The following METTL15 variants were observed in gnomAD, a reference collection of about 807,000 sequenced individuals.
METTL15 encodes 12S rRNA N(4)-cytidine methyltransferase METTL15.
Under a neutral mutation model 38.3 loss-of-function variants are expected in METTL15, and 34 were observed. The ratio of observed to expected loss-of-function variants is 0.89; its 90% CI spans 0.68 to 1.18. METTL15 has a LOEUF of 1.18. Among genes scored for constraint, METTL15 ranks in the 50% most tolerant of loss-of-function variants. The pLI is 0.00. For synonymous variants in METTL15, 162 were observed against 170.9 expected (o/e 0.95, Z 0.41); for missense variants, 438 against 498.4 (o/e 0.88, Z 1.15).
chr11:28,156,224 G>C (rs1850258670), intron 3 of METTL15, among the ~76,000 whole-genome samples: 1 of 152,148 alleles, frequency 6.6e-6, no homozygotes. Context: ...ACATGATCCT[G>C]AAAGGTACCC....
At chr11:28,111,224 T>C (rs914932182) in intron 2 of METTL15, among the ~76,000 whole-genome samples, 1 of 152,212 alleles carries the variant, frequency 6.6e-6, no homozygotes, top group Non-Finnish European at 1.5e-5. Flanking sequence ...ACATAGAGAC[T>C]GAATGCAATA....
intron 5 of METTL15, among the ~76,000 whole-genome samples, chr11:28,409,674 A>G (rs919045490): frequency 2.6e-5 from 4 of 152,112 alleles, no homozygotes; most frequent in Non-Finnish European, 5.9e-5. Flanking sequence ...ACATTAAAAA[A>G]GAAGAAAAAT....
At chr11:28,218,707 G>A (rs1317288716) in intron 4 of METTL15, among the ~76,000 whole-genome samples, 2 of 152,046 alleles carry the variant, frequency 1.3e-5, no homozygotes, top group Non-Finnish European at 1.5e-5. Flanking sequence ...GTCATAAATA[G>A]CTCTTATTAT....
chr11:28,438,837 G>A (rs2133438611), intron 6 of METTL15, among the ~76,000 whole-genome samples: 1 of 151,858 alleles, frequency 6.6e-6, no homozygotes, highest in South Asian at 2.1e-4. Context: ...ACCATGCCCA[G>A]CTAATTTTTG....
rs550183978 is a variant in METTL15 at position 28,271,439 on chromosome 11, A to G, written c.408-18767A>G. 3.4e-4 allele frequency among the ~76,000 whole-genome samples: 52 copies of G among 152,284 alleles called. No individual in the cohort carries two copies. The Middle Eastern group carries it at 0.01, about 30-fold the overall frequency. ...TAATTTAAGATTGACATTGGTTGAT[A>G]CTAATATTCTCAACCACACAATAAA... On this transcript the variant is annotated intron_variant, in intron 4 of 6. Coordinates refer to ENST00000407364, the MANE Select transcript of METTL15 (RefSeq NM_001113528.2).
At chr11:28,304,114 A>G (rs1037642754) in intron 6 of METTL15, among the ~76,000 whole-genome samples, 2 of 152,170 alleles carry the variant, frequency 1.3e-5, no homozygotes, top group African/African-American at 2.4e-5. Context: ...TAATTCAGAC[A>G]GTAAAGGAAT....
At chr11:28,337,327 G>A (rs1000380814), downstream of METTL15, among the ~76,000 whole-genome samples, 1 of 151,838 alleles carries the variant, frequency 6.6e-6, no homozygotes, top group African/African-American at 2.4e-5. Flanking sequence ...GCAGTGATGG[G>A]ATCACAGCTT....
intron 3 of METTL15, among the ~76,000 whole-genome samples, chr11:28,168,182 T>G (rs1185131759): frequency 2.6e-5 from 4 of 152,122 alleles, no homozygotes; most frequent in African/African-American, 7.2e-5. Context: ...TGAACACTTC[T>G]ATATTCAGGC....
At chr11:28,258,955 C>T (rs1855084808) in intron 4 of METTL15, among the ~76,000 whole-genome samples, 1 of 152,080 alleles carries the variant, frequency 6.6e-6, no homozygotes, top group African/African-American at 2.4e-5. Flanking sequence ...GAGTCTGGCC[C>T]CATAGCCAGT....
intron 4 of METTL15, among the ~76,000 whole-genome samples, chr11:28,235,869 A>G (rs550434470): frequency 4.6e-5 from 7 of 152,286 alleles, no homozygotes; most frequent in South Asian, 2.1e-4. Flanking sequence ...GAGAGAGGGC[A>G]TCCGTGTCTT....
In METTL15 at chr11:28,115,301, C is replaced by G. The variant is rs376843118; in HGVS notation, c.270+1697C>G. 5.2e-4 allele frequency among the ~76,000 whole-genome samples: 79 copies of G among 151,706 alleles called. 1 individual carries two copies. The East Asian group carries it at 0.014, about 28-fold the overall frequency. ...GAGATGGAGTTTTGCTCTTGTTGCC[C>G]AGGCTGGAGTGCAATGGCATGATCT... On this transcript the variant is annotated intron_variant, in intron 3 of 6. Coordinates refer to ENST00000407364, the MANE Select transcript of METTL15 (RefSeq NM_001113528.2).
At chr11:28,508,411 C>A (rs965906533) in intron 6 of METTL15, among the ~76,000 whole-genome samples, 2 of 152,204 alleles carry the variant, frequency 1.3e-5, no homozygotes, top group Non-Finnish European at 2.9e-5. Flanking sequence ...ATCTATCCAT[C>A]ATTTCTATTT....
intron 6 of METTL15, among the ~76,000 whole-genome samples, chr11:28,425,857 C>G (rs890819866): frequency 1.4e-4 from 21 of 152,134 alleles, no homozygotes; most frequent in African/African-American, 5.1e-4. Flanking sequence ...GGCAATATAG[C>G]TTTAAGATTG....
At chr11:28,348,352 T>A (rs1221080595) in intron 3 of METTL15, among the ~76,000 whole-genome samples, 2 of 152,146 alleles carry the variant, frequency 1.3e-5, no homozygotes, top group African/African-American at 4.8e-5. Context: ...AGCTTACTCT[T>A]CTACCCATTT....
Position 28,489,448 on chromosome 11 carries a change from C to T in METTL15, c.*425-37030C>T, listed in dbSNP as rs541894076. Among the ~76,000 whole-genome samples the T allele has an allele frequency of 3.3e-5, 5 of 152,250 alleles. No individual in the cohort carries two copies. In the South Asian group the frequency reaches 8.3e-4, roughly 25 times the overall value. On this transcript the variant is annotated intron_variant and NMD_transcript_variant, in intron 6 of 7. Transcript: ENST00000532947. ...ACCTGTTATCGACAGGACATGTCAA[C>T]CAAATATAGTGCTGGCATAATGGGG...
chr11:28,115,244 TTC>T (rs1289637159), intron 3 of METTL15, among the ~76,000 whole-genome samples: 1 of 152,096 alleles, frequency 6.6e-6, no homozygotes, highest in Non-Finnish European at 1.5e-5. Flanking sequence ...ATTTCTTTTT[TTC>T]TTTTTCTTTC....
intron 6 of METTL15, among the ~76,000 whole-genome samples, chr11:28,487,566 A>G (rs1012836444): frequency 3.3e-5 from 5 of 152,164 alleles, no homozygotes; most frequent in Non-Finnish European, 5.9e-5. Flanking sequence ...TTGCCTTCCT[A>G]TATTTCTATT....
intron 4 of METTL15, among the ~76,000 whole-genome samples, chr11:28,219,249 T>C (rs1325224553): frequency 6.6e-6 from 1 of 152,186 alleles, no homozygotes; most frequent in African/African-American, 2.4e-5. Context: ...CTGTTATTGG[T>C]CTATTCAGAG....
At chr11:28,441,822 T>A (rs947231350) in intron 6 of METTL15, among the ~76,000 whole-genome samples, 2 of 152,214 alleles carry the variant, frequency 1.3e-5, no homozygotes, top group Non-Finnish European at 2.9e-5. Context: ...CTTGGGGCCC[T>A]TCCAATCAAC....
Sources: allele counts gnomAD v4.1 joint callset (sites outside exome capture counted in the v4.1 genomes callset), GRCh38; gene constraint gnomAD v4.1.1; transcripts MANE v1.5; gene names NCBI Gene and HGNC (gene_info 2026-07-23, HGNC 2026-07-21).